The following CNTN4 variants were observed in gnomAD, a reference collection of about 807,000 sequenced individuals.
CNTN4 encodes contactin 4.
A neutral mutation model predicts 122.5 loss-of-function variants in CNTN4; 77 were observed. The observed-to-expected ratio is 0.63, with a 90% CI of 0.52 to 0.76. CNTN4 has a LOEUF of 0.76. Among genes scored for constraint, CNTN4 ranks in the 30% least tolerant of loss-of-function variants. CNTN4 has a pLI of 0.00. For synonymous variants in CNTN4, 512 were observed against 447.0 expected (o/e 1.15, Z -1.83); for missense variants, 1,256 against 1,259.1 (o/e 1.00, Z 0.04).
intron 18 of CNTN4, 138 bp from the exon 19 acceptor site, chr3:3,038,795 T>G: frequency 1.5e-6 from 1 of 674,224 alleles, no homozygotes; most frequent in Non-Finnish European, 2.7e-6. Flanking sequence ...CCCTTGACAA[T>G]GCTGTTGCTG....
chr3:2,345,192 G>A (rs1297660959), intron 3 of CNTN4, among the ~76,000 whole-genome samples: 1 of 152,090 alleles, frequency 6.6e-6, no homozygotes, highest in East Asian at 1.9e-4. Context: ...AATTTAAGCT[G>A]CTGCCAATAA....
chr3:2,438,870 G>T (rs1468369255), intron 3 of CNTN4, among the ~76,000 whole-genome samples: 1 of 152,114 alleles, frequency 6.6e-6, no homozygotes, highest in African/African-American at 2.4e-5. Flanking sequence ...CTGCAGCAGT[G>T]TTTCTCCAGG....
chr3:2,688,049 A>G (rs2085527483), intron 4 of CNTN4, among the ~76,000 whole-genome samples: 1 of 152,188 alleles, frequency 6.6e-6, no homozygotes, highest in Admixed American at 6.5e-5. Context: ...GAGTACTTGT[A>G]TCTGGAAGGG....
intron 8 of CNTN4, among the ~76,000 whole-genome samples, chr3:2,868,254 T>G (rs1193295823): frequency 6.6e-6 from 1 of 152,190 alleles, no homozygotes; most frequent in Non-Finnish European, 1.5e-5. Context: ...ACATTTTCTT[T>G]TGCAGACGGG....
intron 17 of CNTN4, among the ~76,000 whole-genome samples, chr3:3,036,673 A>C (rs1420513238): frequency 1.3e-5 from 2 of 152,064 alleles, no homozygotes; most frequent in East Asian, 3.9e-4. Context: ...AGGCTGAGGC[A>C]CAAGAATTGC....
intron 4 of CNTN4, among the ~76,000 whole-genome samples, chr3:2,584,643 G>A (rs1210364992): frequency 6.9e-6 from 1 of 143,922 alleles, no homozygotes; most frequent in Non-Finnish European, 1.5e-5. Context: ...GTTGCAGTGA[G>A]CTGAGATCGT....
chr3:2,136,474 G>C (rs1313355364), intron 2 of CNTN4, among the ~76,000 whole-genome samples: 2 of 152,106 alleles, frequency 1.3e-5, no homozygotes, highest in Non-Finnish European at 2.9e-5. Context: ...TCATACTCCA[G>C]TATTTGGGCT....
At chr3:2,769,448 G>C (rs2090994625) in intron 6 of CNTN4, among the ~76,000 whole-genome samples, 1 of 139,924 alleles carries the variant, frequency 7.1e-6, no homozygotes, top group African/African-American at 2.7e-5. Context: ...CTGGGCAACA[G>C]AGTGAGACTC....
At chr3:2,228,201 C>A (rs1002483619) in intron 2 of CNTN4, among the ~76,000 whole-genome samples, 29 of 152,070 alleles carry the variant, frequency 1.9e-4, no homozygotes, top group African/African-American at 6.7e-4. Context: ...AAGGAATTGG[C>A]AATCCATAGC....
chr3:2,251,977 C>CATTG (rs1181194524), intron 2 of CNTN4, among the ~76,000 whole-genome samples: 3 of 151,868 alleles, frequency 2.0e-5, no homozygotes, highest in Non-Finnish European at 4.4e-5. Context: ...AACTCAGTTT[C>CATTG]ATTGATTTAA....
intron 3 of CNTN4, among the ~76,000 whole-genome samples, chr3:2,369,141 T>C (rs2150633547): frequency 6.6e-6 from 1 of 152,270 alleles, no homozygotes; most frequent in African/African-American, 2.4e-5. Flanking sequence ...GCCAGGCTGG[T>C]CTCGAACTCC....
At chr3:2,426,108 A>G (rs1447584926) in intron 3 of CNTN4, among the ~76,000 whole-genome samples, 2 of 152,136 alleles carry the variant, frequency 1.3e-5, no homozygotes, top group Non-Finnish European at 2.9e-5. Context: ...CACTATGTTG[A>G]ATAGGAGTGG....
At chr3:2,393,974 T>C (rs2046539913) in intron 3 of CNTN4, among the ~76,000 whole-genome samples, 1 of 152,102 alleles carries the variant, frequency 6.6e-6, no homozygotes, top group African/African-American at 2.4e-5. Context: ...CAAAAGTAAT[T>C]GTGGTTTTTA....
intron 4 of CNTN4, among the ~76,000 whole-genome samples, chr3:2,636,479 A>C (rs1466099813): frequency 2.0e-5 from 3 of 152,084 alleles, no homozygotes; most frequent in Non-Finnish European, 2.9e-5. Flanking sequence ...ATTTATCTCT[A>C]CTCTTTAAAT....
At chr3:2,365,509 A>G (rs944432621) in intron 3 of CNTN4, among the ~76,000 whole-genome samples, 2 of 152,204 alleles carry the variant, frequency 1.3e-5, no homozygotes, top group African/African-American at 2.4e-5. Flanking sequence ...TACACAGTTA[A>G]TAATAAAGGA....
At chr3:3,050,393 C>G (rs539946497) in intron 23 of CNTN4, among the ~76,000 whole-genome samples, 2 of 152,244 alleles carry the variant, frequency 1.3e-5, no homozygotes, top group East Asian at 1.9e-4. Context: ...TTTGTGTTCC[C>G]AAAGACAGAT....
At chr3:2,532,691 A>C (rs750502892) in intron 3 of CNTN4, among the ~76,000 whole-genome samples, 1 of 152,186 alleles carries the variant, frequency 6.6e-6, no homozygotes, top group Non-Finnish European at 1.5e-5. Context: ...AGTGAAAACT[A>C]TTGTAAATAT....
At chr3:2,535,063 C>T (rs2077748551) in intron 3 of CNTN4, among the ~76,000 whole-genome samples, 1 of 152,076 alleles carries the variant, frequency 6.6e-6, no homozygotes, top group African/African-American at 2.4e-5. Flanking sequence ...AGCTTATGTC[C>T]CATTCCCACT....
chr3:2,754,069 G>A (rs1364767983), intron 6 of CNTN4, among the ~76,000 whole-genome samples: 1 of 152,160 alleles, frequency 6.6e-6, no homozygotes, highest in Non-Finnish European at 1.5e-5. Flanking sequence ...TCCCCAAGCA[G>A]TAAATGAAAT....
Sources: gnomAD v4.1 joint callset for allele counts (sites outside exome capture counted in the v4.1 genomes callset) on GRCh38, gnomAD v4.1.1 for gene constraint, MANE v1.5 for transcripts, NCBI Gene and HGNC (gene_info 2026-07-23, HGNC 2026-07-21) for gene names.